Variants in EFCAB6 observed in about 807,000 individuals in gnomAD.
EFCAB6 encodes EF-hand calcium-binding domain-containing protein 6.
A neutral mutation model predicts 169.8 loss-of-function variants in EFCAB6; 156 were observed. The observed-to-expected ratio is 0.92, with a 90% CI of 0.81 to 1.05. The LOEUF is 1.05. Ranked by LOEUF, EFCAB6 falls within the 50% of genes least tolerant of loss-of-function variation. The probability of loss-of-function intolerance (pLI) is 0.00; values close to 1 mark genes in which losing one functional copy is unlikely to be tolerated. For missense variants in EFCAB6, 1,800 were observed against 1,829.1 expected (o/e 0.98, Z 0.29); for synonymous variants, 698 against 676.4 (o/e 1.03, Z -0.50).
At chr22:43,605,461 G>A (rs1206867183) in intron 22 of EFCAB6, among the ~76,000 whole-genome samples, 1 of 152,030 alleles carries the variant, frequency 6.6e-6, no homozygotes, top group African/African-American at 2.4e-5. Flanking sequence ...TGGCCAACAT[G>A]GTGAAACCCC....
chr22:43,609,732 G>A (rs1414025944), intron 21 of EFCAB6, among the ~76,000 whole-genome samples: 2 of 152,164 alleles, frequency 1.3e-5, no homozygotes, highest in African/African-American at 4.8e-5. Flanking sequence ...TTTCTTTGTG[G>A]AACTCGACAA....
intron 6 of EFCAB6, among the ~76,000 whole-genome samples, chr22:43,755,239 C>G (rs2060911694): frequency 6.6e-6 from 1 of 152,242 alleles, no homozygotes; most frequent in Non-Finnish European, 1.5e-5. Flanking sequence ...ATCATCTCCT[C>G]CCCGCCTTAG....
chr22:43,794,980 A>C (rs1048040672), intron 2 of EFCAB6, among the ~76,000 whole-genome samples: 2 of 152,174 alleles, frequency 1.3e-5, no homozygotes, highest in South Asian at 2.1e-4. Flanking sequence ...GCTAGGCAAC[A>C]CTATGGCCAC....
intron 30 of EFCAB6, chr22:43,533,304 C>T (rs938281253): frequency 1.3e-5 from 2 of 152,228 alleles, no homozygotes; most frequent in African/African-American, 4.8e-5. Flanking sequence ...TGGATGAAGA[C>T]CCTTTTAGTT....
chr22:43,671,928 T>C (rs1176736785), intron 15 of EFCAB6, 45 bp downstream of exon 15: 8 of 1,603,468 alleles, frequency 5.0e-6, no homozygotes, highest in Non-Finnish European at 6.8e-6. Context: ...GGAACAGGCC[T>C]GATGAAAAAC....
At chr22:43,664,074 G>C (rs951736467) in intron 17 of EFCAB6, among the ~76,000 whole-genome samples, 5 of 152,214 alleles carry the variant, frequency 3.3e-5, no homozygotes, top group African/African-American at 1.2e-4. Flanking sequence ...GAAGGGCTAG[G>C]AGCATGCTGG....
chr22:43,590,854 C>A (rs954681236), intron 23 of EFCAB6, among the ~76,000 whole-genome samples: 1 of 151,824 alleles, frequency 6.6e-6, no homozygotes, highest in Non-Finnish European at 1.5e-5. Flanking sequence ...CAGCTGGGGA[C>A]TGGAGAACAG....
intron 19 of EFCAB6, 71 bp from the exon 20 acceptor site, chr22:43,626,750 G>T: frequency 1.4e-6 from 2 of 1,435,232 alleles, no homozygotes; most frequent in Non-Finnish European, 1.9e-6. Flanking sequence ...ACACCCCCAC[G>T]TGTAGAGCCT....
chr22:43,556,848 G>C (rs1161899685), intron 26 of EFCAB6, among the ~76,000 whole-genome samples: 2 of 152,316 alleles, frequency 1.3e-5, no homozygotes, highest in East Asian at 3.9e-4. Flanking sequence ...GTAAATGAAT[G>C]TCTTTTTTAT....
chr22:43,758,476 A>G (rs532192314), intron 5 of EFCAB6, among the ~76,000 whole-genome samples: 16 of 152,320 alleles, frequency 1.1e-4, no homozygotes, highest in East Asian at 1.9e-4. Context: ...TAAAATTAAT[A>G]TATTTATCCT....
chr22:43,719,034 C>T (rs948539472), intron 8 of EFCAB6, among the ~76,000 whole-genome samples: 2 of 152,128 alleles, frequency 1.3e-5, no homozygotes, highest in African/African-American at 2.4e-5. Flanking sequence ...TGGCACATTT[C>T]GGGAAGCCCA....
intron 24 of EFCAB6, among the ~76,000 whole-genome samples, chr22:43,582,882 G>A (rs1274075826): frequency 6.6e-6 from 1 of 152,164 alleles, no homozygotes; most frequent in African/African-American, 2.4e-5. Context: ...AATGTCCCTG[G>A]ATAAGGCTAC....
rs563089393 is a variant in EFCAB6, at chr22:43,754,771, A to G, written c.507+995T>C. On this transcript the variant is annotated intron_variant, in intron 6 of 31. Coordinates refer to ENST00000262726, the MANE Select transcript of EFCAB6 (RefSeq NM_022785.4). ...TGCTGCTGTGATAATTGTCATAAACAATGGACTTTTCCAGAAGCATATCAT... is the reference window on the plus strand; with the variant it reads ...TGCTGCTGTGATAATTGTCATAAACGATGGACTTTTCCAGAAGCATATCAT... Among the ~76,000 whole-genome samples, 13 of 152,350 alleles carry G rather than the reference A, an allele frequency of 8.5e-5. No individual in the cohort carries two copies. In the South Asian group the frequency reaches 2.3e-3, roughly 27 times the overall value.
rs939154197 is a variant in EFCAB6, at chr22:43,773,240, C to T, written c.140-137G>A. On this transcript the variant is annotated intron_variant, in intron 3 of 31. Transcript: ENST00000262726. Reference sequence around the variant, plus strand: ...ACCATATCTAGGTTTACGTGTATCACCGTTAGATGACTTGTAATGAAAAAT... The same window carrying T: ...ACCATATCTAGGTTTACGTGTATCATCGTTAGATGACTTGTAATGAAAAAT... 7.4e-6 allele frequency: 6 copies of T among 807,408 alleles called. 1 individual carries two copies. The highest frequency in any genetic ancestry group is 1.1e-5 in the Non-Finnish European group (6 of 522,466). The allele number at this position is 807,408 out of a possible 1,614,324, so 50.0% of individuals were successfully genotyped here. A position where few individuals can be genotyped will look rare whatever the true frequency, so the allele number is the denominator to read the frequency against.
Position 43,576,421 on chromosome 22 carries a change from T to G in EFCAB6, c.3296A>C (p.Lys1099Thr), listed in dbSNP as rs1353526909. ...GTCCGTTAGTTTGTAACAGAAATCC[T>G]TAAGAACTTGTCCGAATTCTGTAGC... is the stretch of plus-strand genomic sequence containing the variant. ...VKATEFGQVLKDFCYKLTDNQ... is the reference protein window; with the variant it reads ...VKATEFGQVLTDFCYKLTDNQ... The change falls in exon 26 of 32, where the codon AAG becomes ACG. Residue 1099 changes from lysine (K) to threonine (T), a missense_variant. By Grantham distance (78) the Lys-to-Thr change is moderately conservative. Transcript: ENST00000262726. The G allele has an allele frequency of 6.2e-7, 1 of 1,604,986 alleles. No individual in the cohort carries two copies. Among genetic ancestry groups the G allele is most frequent in the Non-Finnish European group, 8.5e-7 (1 of 1,177,560 alleles).
chr22:43,608,799 T>C (rs918043173), intron 21 of EFCAB6, among the ~76,000 whole-genome samples, 199 bp from the exon 22 acceptor site: 1 of 152,112 alleles, frequency 6.6e-6, no homozygotes, highest in African/African-American at 2.4e-5. Flanking sequence ...AAATGAGAAT[T>C]AGGGGTCGGA....
At chr22:43,686,050 G>A (rs1286102290) in intron 11 of EFCAB6, among the ~76,000 whole-genome samples, 4 of 150,570 alleles carry the variant, frequency 2.7e-5, no homozygotes, top group East Asian at 2.0e-4. Context: ...GTGAGATCTC[G>A]GCTCACTGCA....
intron 9 of EFCAB6, 29 bp from the exon 10 acceptor site, chr22:43,711,652 G>T (rs752704967): frequency 1.9e-6 from 3 of 1,565,530 alleles, no homozygotes; most frequent in Non-Finnish European, 2.6e-6. Flanking sequence ...AGAGTGTGGC[G>T]TTCATAAATA....
intron 17 of EFCAB6, among the ~76,000 whole-genome samples, chr22:43,661,839 C>T (rs1435376696): frequency 6.6e-6 from 1 of 151,946 alleles, no homozygotes; most frequent in Non-Finnish European, 1.5e-5. Flanking sequence ...ATAGAGTTGG[C>T]TGGGCGTGGC....
Sources: gnomAD v4.1 joint callset for allele counts (sites outside exome capture counted in the v4.1 genomes callset) on GRCh38, gnomAD v4.1.1 for gene constraint, MANE v1.5 for transcripts, NCBI Gene and HGNC (gene_info 2026-07-23, HGNC 2026-07-21) for gene names.